CEP290: variants seen among roughly 807,000 people sequenced by gnomAD.
CEP290 encodes centrosomal protein 290, also known as centrosomal protein of 290 kDa.
A neutral mutation model predicts 344.9 loss-of-function variants in CEP290; 317 were observed. The observed-to-expected ratio is 0.92, with a 90% CI of 0.84 to 1.01. The LOEUF (loss-of-function observed/expected upper bound fraction) is 1.01. Ranked by LOEUF, CEP290 falls within the 50% of genes least tolerant of loss-of-function variation. CEP290 has a pLI of 0.00. For missense variants in CEP290, 2,754 were observed against 2,761.4 expected (o/e 1.00, Z 0.06); for synonymous variants, 932 against 895.8 (o/e 1.04, Z -0.72).
chr12:88,125,869 T>G (rs1215218190), intron 12 of CEP290, among the ~76,000 whole-genome samples: 1 of 152,046 alleles, frequency 6.6e-6, no homozygotes, highest in Non-Finnish European at 1.5e-5. Context: ...TTACTTCCTT[T>G]TATTTGGGTT....
chr12:88,118,413 A>T (rs1023237249), intron 17 of CEP290, 70 bp downstream of exon 17: 7 of 1,252,650 alleles, frequency 5.6e-6, no homozygotes, highest in Non-Finnish European at 6.7e-6. Context: ...GCTAAGACAC[A>T]AATAATTTCA....
Position 88,062,787 on chromosome 12 carries a change from T to A in CEP290, c.6271-9A>T, listed in dbSNP as rs1259051617. 1.3e-6 allele frequency: 2 copies of A among 1,519,208 alleles called. No individual in the cohort carries two copies. Among genetic ancestry groups the A allele is most frequent in the Middle Eastern group, 1.7e-4 (1 of 5,910 alleles). 94.1% of individuals were successfully genotyped at this position (1,519,208 alleles called of 1,614,324 possible). Reference sequence around the variant, plus strand: ...AAATCTCTGACTTGATTCTGAAAGATAACAAGCAAACATGTAATAATTTAA... The same window carrying A: ...AAATCTCTGACTTGATTCTGAAAGAAAACAAGCAAACATGTAATAATTTAA... On this transcript the variant is annotated splice_polypyrimidine_tract_variant and intron_variant, in intron 45 of 53. Coordinates refer to ENST00000552810, the MANE Select transcript of CEP290 (RefSeq NM_025114.4).
Position 88,130,334 on chromosome 12 carries a change from G to A in CEP290, c.603C>T (p.Asp201=), listed in dbSNP as rs752854214. The change falls in exon 9 of 54, where the codon GAC becomes GAT. Residue 201 remains aspartate, a synonymous_variant. Transcript: ENST00000552810. ...TAGACAACTGTGATCGGTAGTCACT[G>A]TCTTCCCCTCTTCTTGATAAAAGTG... is the stretch of plus-strand genomic sequence containing the variant. ...KETLLSRRGE[D]SDYRSQLSKK... 1 of 1,609,572 alleles carries A rather than the reference G, an allele frequency of 6.2e-7. No individual in the cohort carries two copies. Among genetic ancestry groups the A allele is most frequent in the Non-Finnish European group, 8.5e-7 (1 of 1,178,260 alleles).
chr12:88,136,566 T>C, intron 6 of CEP290, 77 bp downstream of exon 6: 1 of 1,369,974 alleles, frequency 7.3e-7, no homozygotes, highest in Non-Finnish European at 1.0e-6. Context: ...AATATAAAAA[T>C]TGATATTGTT....
chr12:88,102,780 C>T, intron 26 of CEP290, 58 bp downstream of exon 26: 2 of 1,489,952 alleles, frequency 1.3e-6, no homozygotes, highest in Non-Finnish European at 9.1e-7. Context: ...CCCCCAAACA[C>T]AAAAATATTG....
chr12:88,074,437 G>C (rs1592794143), intron 41 of CEP290, among the ~76,000 whole-genome samples: 1 of 152,240 alleles, frequency 6.6e-6, no homozygotes, highest in Middle Eastern at 3.4e-3. Context: ...AAGATTAAGG[G>C]AACCAAGACT....
chr12:88,098,494 C>A (rs902362667), intron 26 of CEP290, among the ~76,000 whole-genome samples: 1 of 151,788 alleles, frequency 6.6e-6, no homozygotes, highest in African/African-American at 2.4e-5. Flanking sequence ...TACCTGTAAT[C>A]CCAGCTATTT....
In CEP290 at chr12:88,077,293, T is replaced by C. The variant is rs1276558834; in HGVS notation, c.5638A>G (p.Lys1880Glu). ...AATTGGTTCTCTAGTTTTTTAACTT[T>C]CCTTTGGAGTTCTTCAATTAGACTT... ...KQSLIEELQR[K>E]VKKLENQLEG... is the part of the protein sequence containing the mutation. Residue 1880 changes from lysine (K) to glutamate (E), a missense_variant, in exon 41 of 54, where the codon AAA (lysine) becomes GAA (glutamate). Coordinates refer to ENST00000552810, the MANE Select transcript of CEP290 (RefSeq NM_025114.4). The C allele has an allele frequency of 1.3e-6, 2 of 1,599,520 alleles. No individual in the cohort carries two copies. The highest frequency in any genetic ancestry group is 2.3e-5 in the South Asian group (2 of 88,616).
intron 32 of CEP290, among the ~76,000 whole-genome samples, chr12:88,087,253 AACTT>A (rs1177975021): frequency 6.6e-6 from 1 of 152,216 alleles, no homozygotes; most frequent in Non-Finnish European, 1.5e-5. Flanking sequence ...AATAAAAATT[AACTT>A]ACCAAATGAG....
intron 41 of CEP290, among the ~76,000 whole-genome samples, chr12:88,072,665 G>C (rs2035469573): frequency 6.6e-6 from 1 of 152,110 alleles, no homozygotes; most frequent in African/African-American, 2.4e-5. Context: ...CCTAGCATCA[G>C]AGCCCCTTCA....
rs2040007514 is a variant in CEP290 at position 88,130,583 on chromosome 12, A to G, written c.496-18T>C. 2 of 1,560,710 alleles carry G rather than the reference A, an allele frequency of 1.3e-6. No individual in the cohort carries two copies. Among genetic ancestry groups the G allele is most frequent in the East Asian group, 4.6e-5 (2 of 43,464 alleles). ...CGTTTGTTCTACAGAAAAGGACAGG[A>G]AAACGGTAATTAGAAATGAGAAAGG... On this transcript the variant is annotated intron_variant, in intron 7 of 53. Transcript: ENST00000552810.
chr12:88,051,370 T>C (rs935063294), intron 52 of CEP290, among the ~76,000 whole-genome samples: 8 of 152,052 alleles, frequency 5.3e-5, no homozygotes, highest in Non-Finnish European at 1.0e-4. Flanking sequence ...GGCTAATTTT[T>C]ATATTTTTAG....
chr12:88,113,241 C>T (rs1040966297), intron 20 of CEP290, among the ~76,000 whole-genome samples: 1 of 151,974 alleles, frequency 6.6e-6, no homozygotes, highest in South Asian at 2.1e-4. Flanking sequence ...AGTAGAGCTG[C>T]CCTTGGAAAA....
chr12:88,075,156 CA>C (rs2035667058), intron 41 of CEP290, among the ~76,000 whole-genome samples: 1 of 152,150 alleles, frequency 6.6e-6, no homozygotes, highest in African/African-American at 2.4e-5. Flanking sequence ...GTGTCTGCTA[CA>C]AAACCAACTG....
intron 26 of CEP290, among the ~76,000 whole-genome samples, chr12:88,099,835 ATTGT>A (rs1044422749): frequency 4.0e-5 from 6 of 151,864 alleles, no homozygotes; most frequent in African/African-American, 1.5e-4. Context: ...GGATAATCCT[ATTGT>A]TTGTTACAAA....
At chr12:88,115,323 C>A in intron 18 of CEP290, 141 bp from the exon 19 acceptor site, 1 of 680,482 alleles carries the variant, frequency 1.5e-6, no homozygotes, top group Non-Finnish European at 2.4e-6. Context: ...TAGCAGCAAT[C>A]ATAAAAATAA....
chr12:88,087,547 C>T (rs554974378), intron 32 of CEP290, among the ~76,000 whole-genome samples: 6 of 151,486 alleles, frequency 4.0e-5, no homozygotes, highest in Admixed American at 2.6e-4. Flanking sequence ...GGTGAAACCC[C>T]GTCTCTACTA....
intron 26 of CEP290, 67 bp downstream of exon 26, chr12:88,102,771 C>T: frequency 2.2e-6 from 3 of 1,359,154 alleles, no homozygotes; most frequent in South Asian, 1.4e-5. Context: ...TGCCAAATCC[C>T]CCCAAACACA....
At chr12:88,077,617 T>C in intron 40 of CEP290, 80 bp downstream of exon 40, 1 of 884,598 alleles carries the variant, frequency 1.1e-6, no homozygotes. Context: ...ACAAATACCA[T>C]AGATAAAATG....
Sources: allele counts gnomAD v4.1 joint callset (sites outside exome capture counted in the v4.1 genomes callset), GRCh38; gene constraint gnomAD v4.1.1; transcripts MANE v1.5; gene names NCBI Gene and HGNC (gene_info 2026-07-23, HGNC 2026-07-21).